Variants in METTL16 observed in about 807,000 individuals in gnomAD.
METTL16 encodes the protein methyltransferase 16, RNA N6-adenosine, also known as RNA N(6)-adenosine-methyltransferase METTL16.
A neutral mutation model predicts 57.9 loss-of-function variants in METTL16; 19 were observed. The ratio of observed to expected loss-of-function variants is 0.33; its 90% CI spans 0.23 to 0.48. METTL16 has a LOEUF of 0.48. METTL16 is among the 20% of genes least tolerant of loss of function. The probability of loss-of-function intolerance (pLI) is 0.99; values close to 1 mark genes in which losing one functional copy is unlikely to be tolerated. For missense variants in METTL16, 434 were observed against 691.5 expected (o/e 0.63, Z 4.18); for synonymous variants, 246 against 255.6 (o/e 0.96, Z 0.36).
intron 6 of METTL16, among the ~76,000 whole-genome samples, chr17:2,451,754 A>C (rs1597450803): frequency 1.3e-5 from 2 of 152,310 alleles, no homozygotes; most frequent in East Asian, 3.9e-4. Context: ...ACACAGTAAC[A>C]GCATAAAACA....
intron 4 of METTL16, among the ~76,000 whole-genome samples, chr17:2,471,652 G>A (rs936213430): frequency 2.6e-5 from 4 of 152,092 alleles, no homozygotes; most frequent in Non-Finnish European, 5.9e-5. Flanking sequence ...GGCCAGGCAC[G>A]GTGGCGGGCG....
chr17:2,506,610 T>C (rs1355771446), intron 1 of METTL16, among the ~76,000 whole-genome samples: 1 of 151,554 alleles, frequency 6.6e-6, no homozygotes, highest in African/African-American at 2.4e-5. Flanking sequence ...CAGGCTGGAG[T>C]GCAGTGGCGT....
intron 7 of METTL16, among the ~76,000 whole-genome samples, chr17:2,439,466 T>C (rs1221474973): frequency 6.6e-6 from 1 of 152,066 alleles, no homozygotes; most frequent in Non-Finnish European, 1.5e-5. Context: ...GGCTCTGCTC[T>C]TGTGGAATGT....
intron 1 of METTL16, among the ~76,000 whole-genome samples, chr17:2,508,625 T>A (rs141558900): frequency 6.6e-6 from 1 of 152,256 alleles, no homozygotes; most frequent in Non-Finnish European, 1.5e-5. Context: ...CAGGTCATTA[T>A]CATGTCTTTC....
chr17:2,421,622 G>A (rs2066766551), intron 8 of METTL16, among the ~76,000 whole-genome samples: 1 of 152,200 alleles, frequency 6.6e-6, no homozygotes, highest in South Asian at 2.1e-4. Flanking sequence ...TTTATTTCAT[G>A]ACAACTCGAG....
chr17:2,423,101 C>G (rs995482597), intron 8 of METTL16, among the ~76,000 whole-genome samples: 2 of 152,204 alleles, frequency 1.3e-5, no homozygotes, highest in African/African-American at 4.8e-5. Flanking sequence ...CCTGGCCACA[C>G]TGACAGCGCA....
chr17:2,432,174 T>G (rs950002183), intron 8 of METTL16, among the ~76,000 whole-genome samples: 1 of 152,168 alleles, frequency 6.6e-6, no homozygotes, highest in Non-Finnish European at 1.5e-5. Flanking sequence ...ATGGTCTCGA[T>G]CTCCTGACCT....
intron 6 of METTL16, among the ~76,000 whole-genome samples, chr17:2,451,628 A>G (rs2067070383): frequency 6.6e-6 from 1 of 151,918 alleles, no homozygotes; most frequent in African/African-American, 2.4e-5. Flanking sequence ...TTCCAAAAAA[A>G]AAAAAAGAAA....
At chr17:2,463,467 A>G (rs896619468) in intron 6 of METTL16, among the ~76,000 whole-genome samples, 13 of 151,860 alleles carry the variant, frequency 8.6e-5, no homozygotes, top group Middle Eastern at 3.2e-3. Context: ...TTTTATTTTC[A>G]TTTTTATTTT....
Position 2,488,825 on chromosome 17 carries a change from T to C in METTL16, c.129-10940A>G, listed in dbSNP as rs562651101. On this transcript the variant is annotated intron_variant, in intron 2 of 9. Coordinates refer to ENST00000263092, the MANE Select transcript of METTL16 (RefSeq NM_024086.4). ...GATGGGACATTCTACGTTGCGTTTCTCACAACAATAAAAAAAATTAAGTGG... is the reference window on the plus strand; with the variant it reads ...GATGGGACATTCTACGTTGCGTTTCCCACAACAATAAAAAAAATTAAGTGG... Among the ~76,000 whole-genome samples the C allele has an allele frequency of 1.7e-3, 257 of 152,324 alleles. 2 individuals are homozygous for C. The highest frequency in any genetic ancestry group is 0.017 in the South Asian group (80 of 4,832).
At chr17:2,430,405 G>A (rs1597439586) in intron 8 of METTL16, among the ~76,000 whole-genome samples, 2 of 144,468 alleles carry the variant, frequency 1.4e-5, no homozygotes, top group African/African-American at 5.1e-5. Flanking sequence ...TATATTTTTA[G>A]AATTCTCTTT....
intron 4 of METTL16, among the ~76,000 whole-genome samples, chr17:2,472,278 C>T (rs532540101): frequency 2.0e-5 from 3 of 152,134 alleles, no homozygotes; most frequent in African/African-American, 7.2e-5. Flanking sequence ...AAATCCAGAA[C>T]ACCGACAGCA....
chr17:2,430,744 A>T lies in METTL16; in HGVS notation c.888+7365T>A, dbSNP rs1220335725. Among the ~76,000 whole-genome samples the T allele has an allele frequency of 2.0e-5, 3 of 151,788 alleles. No individual in the cohort carries two copies. In the East Asian group the frequency reaches 5.8e-4, roughly 29 times the overall value. ...AGATATATTTTTAGAATTTTTTTTTAAATTGAAATATAGATACAGAAAAGC... is the reference window on the plus strand; with the variant it reads ...AGATATATTTTTAGAATTTTTTTTTTAATTGAAATATAGATACAGAAAAGC... On this transcript the variant is annotated intron_variant, in intron 8 of 9. Transcript: ENST00000263092.
At chr17:2,448,785 A>T (rs1238573591) in intron 6 of METTL16, among the ~76,000 whole-genome samples, 1 of 102,478 alleles carries the variant, frequency 9.8e-6, no homozygotes, top group African/African-American at 6.1e-5. Flanking sequence ...AAAAAATAAA[A>T]AAATAAAAAT....
chr17:2,445,937 C>A (rs536174423), intron 6 of METTL16, among the ~76,000 whole-genome samples: 1 of 151,870 alleles, frequency 6.6e-6, no homozygotes, highest in Admixed American at 6.6e-5. Context: ...TACAAGAAGG[C>A]AAGGCTGGTT....
rs765395947 is a variant in METTL16 at position 2,419,960 on chromosome 17, CAGG to C, written c.*7_*9del. ...TACTATCAACACGTTTCCAACTGTG[CAGG>C]AGGTTTCTAGTTAACTGCAACAAGC... On this transcript the variant is annotated 3_prime_UTR_variant, in exon 10 of 10. Transcript: ENST00000263092. 32 of 1,613,406 alleles carry C rather than the reference CAGG, an allele frequency of 2.0e-5. No homozygotes were observed. The highest frequency in any genetic ancestry group is 6.7e-5 in the African/African-American group (5 of 74,916).
rs1597432423 is a variant in METTL16, at chr17:2,419,015, T to C, written c.*955A>G. 1 of 153,090 alleles carries C rather than the reference T, an allele frequency of 6.5e-6. No individual in the cohort carries two copies. Among genetic ancestry groups the C allele is most frequent in the Non-Finnish European group, 1.5e-5 (1 of 68,784 alleles). The allele number at this position is 153,090 out of a possible 1,614,324, so 9.5% of individuals were successfully genotyped here. On this transcript the variant is annotated 3_prime_UTR_variant, in exon 10 of 10. Transcript: ENST00000263092. ...AGGTAAGTACAGGGGGGATTACAAG[T>C]GAAGCCACAAAAAAACAGTATTTGA...
At chr17:2,478,549 G>C (rs2067282602) in intron 2 of METTL16, among the ~76,000 whole-genome samples, 1 of 152,100 alleles carries the variant, frequency 6.6e-6, no homozygotes, top group Non-Finnish European at 1.5e-5. Context: ...ATAGTTTCTA[G>C]TATATTAACA....
intron 1 of METTL16, among the ~76,000 whole-genome samples, chr17:2,504,581 T>C (rs1051826149): frequency 6.6e-6 from 1 of 152,120 alleles, no homozygotes; most frequent in East Asian, 1.9e-4. Flanking sequence ...TCTGAGACAG[T>C]GTCTCACTCT....
Sources: allele counts gnomAD v4.1 joint callset (sites outside exome capture counted in the v4.1 genomes callset), GRCh38; gene constraint gnomAD v4.1.1; transcripts MANE v1.5; gene names NCBI Gene and HGNC (gene_info 2026-07-23, HGNC 2026-07-21).